The following MCF2L2 variants were observed in gnomAD, a reference collection of about 807,000 sequenced individuals.
The protein encoded by MCF2L2 is MCF.2 cell line derived transforming sequence-like 2, also known as probable guanine nucleotide exchange factor MCF2L2.
A neutral mutation model predicts 150.2 loss-of-function variants in MCF2L2; 102 were observed. The observed-to-expected ratio is 0.68, with a 90% confidence interval of 0.58 to 0.80. MCF2L2 has a LOEUF of 0.80. MCF2L2 is among the 30% of genes least tolerant of loss of function. The pLI, the probability that MCF2L2 is intolerant of heterozygous loss-of-function variation, is 0.00. For synonymous variants in MCF2L2, 465 were observed against 491.3 expected (o/e 0.95, Z 0.71); for missense variants, 1,256 against 1,372.8 (o/e 0.91, Z 1.34).
chr3:183,350,200 T>C (rs1238393529), intron 3 of MCF2L2, among the ~76,000 whole-genome samples: 2 of 152,146 alleles, frequency 1.3e-5, no homozygotes, highest in East Asian at 3.8e-4. Flanking sequence ...TAATTGTATA[T>C]AGGCCACAGT....
At chr3:183,213,419 A>AT (rs1271157044) in intron 22 of MCF2L2, among the ~76,000 whole-genome samples, 2 of 151,904 alleles carry the variant, frequency 1.3e-5, no homozygotes, top group Non-Finnish European at 2.9e-5. Flanking sequence ...ATCAGAAGGG[A>AT]TTTTTTTCTA....
rs764398195 is a variant in MCF2L2 at position 183,309,702 on chromosome 3, G to C, written c.1113+14C>G. The C allele has an allele frequency of 6.2e-7, 1 of 1,613,824 alleles. No individual in the cohort carries two copies. The highest frequency in any genetic ancestry group is 8.5e-7 in the Non-Finnish European group (1 of 1,179,958). On this transcript the variant is annotated intron_variant, in intron 10 of 29. Transcript: ENST00000328913. ...AACCTCCCTCCCAGTACACAAAAATGTCAGAAAGCAAACCTGGCTTTTTTC... is the reference window on the plus strand; with the variant it reads ...AACCTCCCTCCCAGTACACAAAAATCTCAGAAAGCAAACCTGGCTTTTTTC...
intron 1 of MCF2L2, among the ~76,000 whole-genome samples, chr3:183,425,879 C>A (rs1288552098): frequency 6.6e-6 from 1 of 151,716 alleles, no homozygotes; most frequent in Non-Finnish European, 1.5e-5. Context: ...CGCTTGAACC[C>A]GGGAGGCGGA....
chr3:183,198,017 T>G (rs1722133356), intron 25 of MCF2L2, among the ~76,000 whole-genome samples: 1 of 152,200 alleles, frequency 6.6e-6, no homozygotes, highest in Non-Finnish European at 1.5e-5. Context: ...TGGAAACTAT[T>G]TAGAAATTTC....
At chr3:183,190,708 C>A (rs1381984901) in intron 27 of MCF2L2, among the ~76,000 whole-genome samples, 1 of 152,188 alleles carries the variant, frequency 6.6e-6, no homozygotes, top group Admixed American at 6.5e-5. Context: ...GGCTGGACGA[C>A]CCTGGGCAGC....
rs1726620519 is a variant in MCF2L2 at position 183,270,200 on chromosome 3, T to C, written c.1862+6672A>G. 1.9e-6 allele frequency: 3 copies of C among 1,614,094 alleles called. No homozygotes were observed. Among genetic ancestry groups the C allele is most frequent in the Non-Finnish European group, 1.7e-6 (2 of 1,180,034 alleles). ...AAACTCTGTTTGCCTTAGGAACTCC[T>C]AATCCACTGGAGGGAGAAGAACTAC... On this transcript the variant is annotated intron_variant, in intron 15 of 29. Coordinates refer to ENST00000328913, the MANE Select transcript of MCF2L2 (RefSeq NM_015078.4). This position sits in a 1 kb window ranked among gnomAD's most constrained non-coding sequence, Gnocchi z 4.5.
chr3:183,361,567 T>A (rs914385810), intron 3 of MCF2L2, among the ~76,000 whole-genome samples: 1 of 152,218 alleles, frequency 6.6e-6, no homozygotes, highest in African/African-American at 2.4e-5. Context: ...CCCTTCGCCT[T>A]CCACTGTGAT....
intron 5 of MCF2L2, among the ~76,000 whole-genome samples, chr3:183,333,517 C>T (rs1560026192): frequency 6.6e-6 from 1 of 152,112 alleles, no homozygotes; most frequent in Non-Finnish European, 1.5e-5. Context: ...CCACTTTAAC[C>T]AGCTTCTTGT....
At chr3:183,317,352 C>T (rs1432436843) in intron 7 of MCF2L2, among the ~76,000 whole-genome samples, 3 of 152,038 alleles carry the variant, frequency 2.0e-5, no homozygotes, top group East Asian at 1.9e-4. Context: ...ATAATGGGTT[C>T]GTTCTGTTTG....
At chr3:183,221,545 G>C (rs1344215997) in intron 20 of MCF2L2, among the ~76,000 whole-genome samples, 1 of 152,126 alleles carries the variant, frequency 6.6e-6, no homozygotes, top group Admixed American at 6.5e-5. Flanking sequence ...ACCGAACCTA[G>C]CTCCTATGTA....
At chr3:183,408,748 T>A (rs1715172739) in intron 1 of MCF2L2, among the ~76,000 whole-genome samples, 1 of 152,196 alleles carries the variant, frequency 6.6e-6, no homozygotes, top group African/African-American at 2.4e-5. Flanking sequence ...ATCCAAAACC[T>A]GGGCTGGACA....
intron 3 of MCF2L2, among the ~76,000 whole-genome samples, chr3:183,343,326 G>A (rs1730772791): frequency 6.6e-6 from 1 of 151,842 alleles, no homozygotes; most frequent in South Asian, 2.1e-4. Flanking sequence ...GAATAGGCAG[G>A]CAAATGAATG....
chr3:183,331,147 G>A (rs967328177), intron 5 of MCF2L2, among the ~76,000 whole-genome samples: 2 of 152,154 alleles, frequency 1.3e-5, no homozygotes, highest in East Asian at 1.9e-4. Context: ...CCAGGGCCAG[G>A]TGCCATGTAA....
At chr3:183,368,261 T>G (rs902201357) in intron 3 of MCF2L2, among the ~76,000 whole-genome samples, 1 of 152,214 alleles carries the variant, frequency 6.6e-6, no homozygotes, top group African/African-American at 2.4e-5. Flanking sequence ...TAAAAAGTCC[T>G]CCAAGTGATT....
intron 1 of MCF2L2, among the ~76,000 whole-genome samples, chr3:183,391,038 T>C (rs1714115614): frequency 6.6e-6 from 1 of 152,210 alleles, no homozygotes; most frequent in Non-Finnish European, 1.5e-5. Context: ...TTCCTACTGA[T>C]TCATTATGGG....
Position 183,309,741 on chromosome 3 carries a change from T to G in MCF2L2, c.1088A>C (p.His363Pro). 1 of 1,614,038 alleles carries G rather than the reference T, an allele frequency of 6.2e-7. No individual in the cohort carries two copies. The highest frequency in any genetic ancestry group is 8.5e-7 in the Non-Finnish European group (1 of 1,180,006). The change falls in exon 10 of 30, where the codon CAC (histidine) becomes CCC (proline). Residue 363 changes from histidine to proline, a missense_variant. Physicochemically the swap from His to Pro is moderately conservative, Grantham distance 77. Coordinates refer to ENST00000328913, the MANE Select transcript of MCF2L2 (RefSeq NM_015078.4). Reference sequence around the variant, plus strand: ...CTGGCTTTTTTCCTCCAGTTTTTTGTGTTCCTTAAGAATCTGCTCCACGTG... The same window carrying G: ...CTGGCTTTTTTCCTCCAGTTTTTTGGGTTCCTTAAGAATCTGCTCCACGTG... ...VMHVEQILKE[H>P]KKLEEKSQEP... is the part of the protein sequence containing the mutation.
In MCF2L2 at chr3:183,243,026, T is replaced by C. The variant is rs373196897; in HGVS notation, c.1863-12009A>G. Among the ~76,000 whole-genome samples, 111 of 152,330 alleles carry C rather than the reference T, an allele frequency of 7.3e-4. No individual in the cohort carries two copies. The South Asian group carries it at 0.022, about 30-fold the overall frequency. ...GCATAAGGCTGATAGCCCCTTTGTT[T>C]TGGACAATTTCTCCCATTTTGAACA... On this transcript the variant is annotated intron_variant, in intron 15 of 29. Transcript: ENST00000328913.
At chr3:183,250,918 T>C (rs1040297867) in intron 15 of MCF2L2, among the ~76,000 whole-genome samples, 1 of 152,172 alleles carries the variant, frequency 6.6e-6, no homozygotes, top group Non-Finnish European at 1.5e-5. Context: ...TGACCATTCA[T>C]CCGCCCATTG....
chr3:183,376,087 G>C (rs1713173675), intron 3 of MCF2L2: 1 of 152,206 alleles, frequency 6.6e-6, no homozygotes, highest in Non-Finnish European at 1.5e-5. Context: ...AAGACAAACA[G>C]CATTCTAGGA....
Sources: allele counts gnomAD v4.1 joint callset (sites outside exome capture counted in the v4.1 genomes callset), GRCh38; gene constraint gnomAD v4.1.1; non-coding constraint Gnocchi (gnomAD v3.1); transcripts MANE v1.5; gene names NCBI Gene and HGNC (gene_info 2026-07-23, HGNC 2026-07-21).